Variants in MARCKS observed in about 807,000 individuals in gnomAD.
The protein encoded by MARCKS is myristoylated alanine rich protein kinase C substrate, also known as myristoylated alanine-rich C-kinase substrate.
Under a neutral mutation model 6.3 loss-of-function variants are expected in MARCKS, and 4 were observed. The observed-to-expected ratio is 0.63, with a 90% CI of 0.31 to 1.45. The LOEUF (loss-of-function observed/expected upper bound fraction) is 1.45. Among genes scored for constraint, MARCKS ranks in the 40% most tolerant of loss-of-function variants. MARCKS has a pLI of 0.07. For missense variants in MARCKS, 636 were observed against 485.7 expected (o/e 1.31, Z -2.91); for synonymous variants, 289 against 236.5 (o/e 1.22, Z -2.04).
Position 113,857,640 on chromosome 6 carries a change from T to TGTTGCCGCCGCC in MARCKS, c.-104_-93dup. 2.4e-6 allele frequency: 1 copy of TGTTGCCGCCGCC among 415,496 alleles called. No homozygotes were observed. Among genetic ancestry groups the TGTTGCCGCCGCC allele is most frequent in the Admixed American group, 3.6e-5 (1 of 27,844 alleles). 25.7% of individuals were successfully genotyped at this position (415,496 alleles called of 1,614,324 possible). A position where few individuals can be genotyped will look rare whatever the true frequency, so the allele number is the denominator to read the frequency against. On this transcript the variant is annotated 5_prime_UTR_variant, in exon 1 of 2. Transcript: ENST00000612661. ...CCTCCGGTGTGTGTGCCGCTGCCGC[T>TGTTGCCGCCGCC]GTTGCCGCCGCCGCTGCTGCTGCTG... is the stretch of plus-strand genomic sequence containing the variant.
rs758347518 is a variant in MARCKS at position 113,860,161 on chromosome 6, A to T, written c.581A>T (p.Asp194Val). Residue 194 changes from aspartate (D) to valine (V), a missense_variant, in exon 2 of 2, where the codon GAC (aspartate) becomes GTC (valine). Physicochemically the swap from Asp to Val is radical, Grantham distance 152. Transcript: ENST00000612661. ...AEAPAAEGGK[D>V]EAAGGAAAAA... ...GCGCCCGCTGCCGAAGGCGGCAAGGACGAGGCCGCCGGGGGCGCAGCTGCG... is the reference window on the plus strand; with the variant it reads ...GCGCCCGCTGCCGAAGGCGGCAAGGTCGAGGCCGCCGGGGGCGCAGCTGCG... 4.3e-6 allele frequency: 6 copies of T among 1,382,244 alleles called. No homozygotes were observed. The highest frequency in any genetic ancestry group is 5.7e-6 in the Non-Finnish European group (6 of 1,061,638). The allele number at this position is 1,382,244 out of a possible 1,614,324, so 85.6% of individuals were successfully genotyped here.
Position 113,857,358 on chromosome 6 carries a change from G to A in MARCKS, c.-388G>A, listed in dbSNP as rs1774799736. The A allele has an allele frequency of 4.9e-6, 1 of 203,178 alleles. No homozygotes were observed. Among genetic ancestry groups the A allele is most frequent in the South Asian group, 6.7e-5 (1 of 14,912 alleles). 12.6% of individuals were successfully genotyped at this position (203,178 alleles called of 1,614,324 possible). A position where few individuals can be genotyped will look rare whatever the true frequency, so the allele number is the denominator to read the frequency against. ...CCATTCATCTGTGCACTTGGGCGTT[G>A]GACCCCGCATCTTATTAGCAACCAG... On this transcript the variant is annotated 5_prime_UTR_variant, in exon 1 of 2. Coordinates refer to ENST00000612661, the MANE Select transcript of MARCKS (RefSeq NM_002356.7).
chr6:113,860,558 C>A lies in MARCKS; in HGVS notation c.978C>A (p.Pro326=). Residue 326 remains proline, a synonymous_variant, in exon 2 of 2, where the codon CCC becomes CCA. Coordinates refer to ENST00000612661, the MANE Select transcript of MARCKS (RefSeq NM_002356.7). ...AGCCCGAGTGCAGTCCAGAAGCCCC[C>A]CCAGCGGAGGCGGCAGAGTAAAAGA... is the stretch of plus-strand genomic sequence containing the variant. ...EAQPECSPEA[P]PAEAAE 1 of 1,558,394 alleles carries A rather than the reference C, an allele frequency of 6.4e-7. No homozygotes were observed. The highest frequency in any genetic ancestry group is 8.6e-7 in the Non-Finnish European group (1 of 1,156,920).
In MARCKS at chr6:113,860,404, GCGCCGCCGCCTGCGAGGCCCCCTC is replaced by G; in HGVS notation, c.833_856del (p.Ala278_Ala285del). ...AAAAAGGCCGAGGAGGCCGGGGCCA[GCGCCGCCGCCTGCGAGGCCCCCTC>G]CGCCGCCGGGCCCGGCGCGCCCCCG... On this transcript the variant is annotated inframe_deletion, in exon 2 of 2. Coordinates refer to ENST00000612661, the MANE Select transcript of MARCKS (RefSeq NM_002356.7). 1.7e-6 allele frequency: 2 copies of G among 1,170,600 alleles called. No individual in the cohort carries two copies. Among genetic ancestry groups the G allele is most frequent in the Non-Finnish European group, 2.1e-6 (2 of 933,088 alleles). 72.5% of individuals were successfully genotyped at this position (1,170,600 alleles called of 1,614,324 possible). A position where few individuals can be genotyped will look rare whatever the true frequency, so the allele number is the denominator to read the frequency against.
chr6:113,861,194 T>TAA lies in MARCKS; in HGVS notation c.*627_*628dup, dbSNP rs549493672. 7.9e-5 allele frequency: 11 copies of TAA among 138,418 alleles called. No individual in the cohort carries two copies. Among genetic ancestry groups the TAA allele is most frequent in the Non-Finnish European group, 1.4e-4 (9 of 63,426 alleles). The allele number at this position is 138,418 out of a possible 1,614,324, so 8.6% of individuals were successfully genotyped here. A position where few individuals can be genotyped will look rare whatever the true frequency, so the allele number is the denominator to read the frequency against. ...AAGAAAAAACACCAATACCCAGATT[T>TAA]AAAAAAAAAAAAACGATCATAGTCT... On this transcript the variant is annotated 3_prime_UTR_variant, in exon 2 of 2. Transcript: ENST00000612661.
In MARCKS at chr6:113,863,006, T is replaced by TA. The variant is rs1376680929; in HGVS notation, c.*2433dup. ...GTGCCTGGTATGTAGTAAGACTCAGTAAAAAAGTGGATTTTTAAAAATAAC... is the reference window on the plus strand; with the variant it reads ...GTGCCTGGTATGTAGTAAGACTCAGTAAAAAAAGTGGATTTTTAAAAATAAC... On this transcript the variant is annotated 3_prime_UTR_variant, in exon 2 of 2. Transcript: ENST00000612661. 7.9e-5 allele frequency: 12 copies of TA among 152,324 alleles called. No individual in the cohort carries two copies. Among genetic ancestry groups the TA allele is most frequent in the African/African-American group, 2.9e-4 (12 of 41,590 alleles). The allele number at this position is 152,324 out of a possible 1,614,324, so 9.4% of individuals were successfully genotyped here.
rs1004569012 is a variant in MARCKS at position 113,860,238 on chromosome 6, G to A, written c.658G>A (p.Glu220Lys). 3.2e-5 allele frequency: 34 copies of A among 1,077,494 alleles called. No individual in the cohort carries two copies. The African/African-American group carries it at 4.1e-4, about 13-fold the overall frequency. The allele number at this position is 1,077,494 out of a possible 1,614,324, so 66.7% of individuals were successfully genotyped here. Residue 220 changes from glutamate to lysine, a missense_variant, in exon 2 of 2, where the codon GAG (glutamate) becomes AAG (lysine). Physicochemically the swap from Glu to Lys is moderately conservative, Grantham distance 56. Coordinates refer to ENST00000612661, the MANE Select transcript of MARCKS (RefSeq NM_002356.7). ...CGGGGAGCAGGCAGCGGCGCCGGGCGAGGAGGCGGCAGCGGGCGAGGAGGG... is the reference window on the plus strand; with the variant it reads ...CGGGGAGCAGGCAGCGGCGCCGGGCAAGGAGGCGGCAGCGGGCGAGGAGGG... ...ASGEQAAAPG[E>K]EAAAGEEGAA...
rs1411716229 is a variant in MARCKS at position 113,859,797 on chromosome 6, G to A, written c.217G>A (p.Ala73Thr). 6 of 1,375,098 alleles carry A rather than the reference G, an allele frequency of 4.4e-6. No individual in the cohort carries two copies. The highest frequency in any genetic ancestry group is 3.1e-5 in the African/African-American group (2 of 64,720). 85.2% of individuals were successfully genotyped at this position (1,375,098 alleles called of 1,614,324 possible). The part of the protein sequence containing the change: ...SAPAADKEEP[A>T]AAGSGAASPS... ...CCCGGCCGCCGACAAGGAGGAGCCC[G>A]CGGCCGCCGGGAGCGGGGCGGCGTC... is the stretch of plus-strand genomic sequence containing the variant. The change falls in exon 2 of 2, where the codon GCG (alanine) becomes ACG (threonine). Residue 73 changes from alanine (A) to threonine (T), a missense_variant. Coordinates refer to ENST00000612661, the MANE Select transcript of MARCKS (RefSeq NM_002356.7).
chr6:113,857,861 G>A lies in MARCKS; in HGVS notation c.102+14G>A. On this transcript the variant is annotated intron_variant, in intron 1 of 1. Coordinates refer to ENST00000612661, the MANE Select transcript of MARCKS (RefSeq NM_002356.7). ...GCGAACGGACAGGTAAATTCTACCT[G>A]TGGTTGTGGTCATTTATTTCGTGTC... The A allele has an allele frequency of 6.3e-7, 1 of 1,576,092 alleles. No homozygotes were observed. Among genetic ancestry groups the A allele is most frequent in the South Asian group, 1.2e-5 (1 of 86,540 alleles).
Position 113,862,431 on chromosome 6 carries a change from T to C in MARCKS, c.*1852T>C. The C allele has an allele frequency of 6.6e-6, 1 of 151,618 alleles. No individual in the cohort carries two copies. Among genetic ancestry groups the C allele is most frequent in the South Asian group, 2.1e-4 (1 of 4,806 alleles). The allele number at this position is 151,618 out of a possible 1,614,324, so 9.4% of individuals were successfully genotyped here. ...TTTAAGCATCCTTTTTTTTTTTTTT[T>C]TTTGAAAGTGTGTTAGCATCTTGTT... On this transcript the variant is annotated 3_prime_UTR_variant, in exon 2 of 2. Coordinates refer to ENST00000612661, the MANE Select transcript of MARCKS (RefSeq NM_002356.7).
chr6:113,859,535 G>A (rs1238815933), intron 1 of MARCKS, 148 bp from the exon 2 acceptor site: 7 of 618,560 alleles, frequency 1.1e-5, no homozygotes, highest in Non-Finnish European at 1.7e-5. Flanking sequence ...GCATCCACCC[G>A]CGCCTCCCTC....
chr6:113,860,457 C>A lies in MARCKS; in HGVS notation c.877C>A (p.Gln293Lys). The change falls in exon 2 of 2, where the codon CAG becomes AAG. Residue 293 changes from glutamine to lysine, a missense_variant. By Grantham distance (53) the Gln-to-Lys change is moderately conservative. Coordinates refer to ENST00000612661, the MANE Select transcript of MARCKS (RefSeq NM_002356.7). Reference sequence around the variant, plus strand: ...CGCCGGGCCCGGCGCGCCCCCGGAGCAGGAGGCAGCCCCCGCGGAGGAGCC... The same window carrying A: ...CGCCGGGCCCGGCGCGCCCCCGGAGAAGGAGGCAGCCCCCGCGGAGGAGCC... ...SAAGPGAPPE[Q>K]EAAPAEEPAA... 1 of 1,351,066 alleles carries A rather than the reference C, an allele frequency of 7.4e-7. No individual in the cohort carries two copies. Among genetic ancestry groups the A allele is most frequent in the Non-Finnish European group, 9.6e-7 (1 of 1,039,212 alleles). The allele number at this position is 1,351,066 out of a possible 1,614,324, so 83.7% of individuals were successfully genotyped here.
chr6:113,859,825 C>T lies in MARCKS; in HGVS notation c.245C>T (p.Pro82Leu). 2 of 1,294,262 alleles carry T rather than the reference C, an allele frequency of 1.5e-6. No individual in the cohort carries two copies. The highest frequency in any genetic ancestry group is 2.3e-5 in the South Asian group (1 of 43,906). 80.2% of individuals were successfully genotyped at this position (1,294,262 alleles called of 1,614,324 possible). The change falls in exon 2 of 2, where the codon CCC becomes CTC. Residue 82 changes from proline (P) to leucine (L), a missense_variant. Coordinates refer to ENST00000612661, the MANE Select transcript of MARCKS (RefSeq NM_002356.7). ...GCCGCCGGGAGCGGGGCGGCGTCGC[C>T]CTCCGCGGCCGAGAAAGGTGAGCCG... ...PAAAGSGAASPSAAEKGEPAA... is the reference protein window; with the variant it reads ...PAAAGSGAASLSAAEKGEPAA...
intron 1 of MARCKS, among the ~76,000 whole-genome samples, chr6:113,858,436 G>T (rs570300750): frequency 6.6e-6 from 1 of 152,228 alleles, no homozygotes; most frequent in African/African-American, 2.4e-5. Context: ...CTTTCCCACT[G>T]TCCTAAATCT....
chr6:113,859,739 C>A lies in MARCKS; in HGVS notation c.159C>A (p.Gly53=). Residue 53 remains glycine, a synonymous_variant, in exon 2 of 2, where the codon GGC becomes GGA. Coordinates refer to ENST00000612661, the MANE Select transcript of MARCKS (RefSeq NM_002356.7). ...CTTCGCCCGCGGCCGCCGAGTCGGGCGCCAAGGAGGAGCTGCAGGCCAACG... is the reference window on the plus strand; with the variant it reads ...CTTCGCCCGCGGCCGCCGAGTCGGGAGCCAAGGAGGAGCTGCAGGCCAACG... ...GDASPAAAES[G]AKEELQANGS... is the part of the protein sequence containing the mutation. The A allele has an allele frequency of 2.0e-6, 3 of 1,499,524 alleles. No individual in the cohort carries two copies. The highest frequency in any genetic ancestry group is 2.7e-6 in the Non-Finnish European group (3 of 1,125,228). The allele number at this position is 1,499,524 out of a possible 1,614,324, so 92.9% of individuals were successfully genotyped here. A position where few individuals can be genotyped will look rare whatever the true frequency, so the allele number is the denominator to read the frequency against.
rs571427141 is a variant in MARCKS, at chr6:113,860,850, T to C, written c.*271T>C. 9.4e-6 allele frequency: 2 copies of C among 212,876 alleles called. No individual in the cohort carries two copies. The highest frequency in any genetic ancestry group is 1.2e-4 in the Admixed American group (2 of 16,910). 13.2% of individuals were successfully genotyped at this position (212,876 alleles called of 1,614,324 possible). ...CCTTCTTCCTCTGCCTTGTTTCTCTTTTATTTTTTATTTTTTCGCATCAGT... is the reference window on the plus strand; with the variant it reads ...CCTTCTTCCTCTGCCTTGTTTCTCTCTTATTTTTTATTTTTTCGCATCAGT... On this transcript the variant is annotated 3_prime_UTR_variant, in exon 2 of 2. Transcript: ENST00000612661.
At position 113,861,962 on chromosome 6, in the gene MARCKS, C is replaced by T. The variant is rs352083; in HGVS notation, c.*1383C>T. The stretch of plus-strand genomic sequence containing the variant: ...ATTCATAATCCGCAGTGTCAGATTA[C>T]GTAGAGGAAGATCTTACAACATTTC... On this transcript the variant is annotated 3_prime_UTR_variant, in exon 2 of 2. Coordinates refer to ENST00000612661, the MANE Select transcript of MARCKS (RefSeq NM_002356.7). 0.078 allele frequency: 9,287 copies of T among 119,644 alleles called. 489 individuals carry two copies. The highest frequency in any genetic ancestry group is 0.16 in the African/African-American group (5,542 of 33,802). The allele number at this position is 119,644 out of a possible 1,614,324, so 7.4% of individuals were successfully genotyped here.
In MARCKS at chr6:113,860,413, C is replaced by T; in HGVS notation, c.833C>T (p.Ala278Val). Reference protein sequence around the residue: ...KAEEAGASAAACEAPSAAGPG... With the variant: ...KAEEAGASAAVCEAPSAAGPG... ...GAGGAGGCCGGGGCCAGCGCCGCCG[C>T]CTGCGAGGCCCCCTCCGCCGCCGGG... is the stretch of plus-strand genomic sequence containing the variant. The change falls in exon 2 of 2, where the codon GCC (alanine) becomes GTC (valine). Residue 278 changes from alanine (A) to valine (V), a missense_variant. Coordinates refer to ENST00000612661, the MANE Select transcript of MARCKS (RefSeq NM_002356.7). The T allele has an allele frequency of 8.7e-7, 1 of 1,149,840 alleles. No individual in the cohort carries two copies. Among genetic ancestry groups the T allele is most frequent in the Non-Finnish European group, 1.1e-6 (1 of 924,094 alleles). 71.2% of individuals were successfully genotyped at this position (1,149,840 alleles called of 1,614,324 possible).
rs1774857134 is a variant in MARCKS, at chr6:113,859,868, C to G, written c.288C>G (p.Pro96=). 3.7e-6 allele frequency: 5 copies of G among 1,348,606 alleles called. No individual in the cohort carries two copies. In the Admixed American group the frequency reaches 1.5e-4, roughly 40 times the overall value. The allele number at this position is 1,348,606 out of a possible 1,614,324, so 83.5% of individuals were successfully genotyped here. A position where few individuals can be genotyped will look rare whatever the true frequency, so the allele number is the denominator to read the frequency against. ...GTGAGCCGGCCGCCGCCGCTGCCCC[C>G]GAGGCCGGGGCCAGCCCGGTAGAGA... ...EKGEPAAAAA[P]EAGASPVEKE... The change falls in exon 2 of 2, where the codon CCC becomes CCG. Residue 96 remains proline, a synonymous_variant. Transcript: ENST00000612661.
Sources: gnomAD v4.1 joint callset for allele counts (sites outside exome capture counted in the v4.1 genomes callset) on GRCh38, gnomAD v4.1.1 for gene constraint, MANE v1.5 for transcripts, NCBI Gene and HGNC (gene_info 2026-07-23, HGNC 2026-07-21) for gene names.